The following LDLRAP1 variants were observed in gnomAD, a reference collection of about 807,000 sequenced individuals.
LDLRAP1 encodes the protein low density lipoprotein receptor adaptor protein 1, also known as low density lipoprotein receptor adapter protein 1.
A neutral mutation model predicts 37.8 loss-of-function variants in LDLRAP1; 30 were observed. That is an observed-to-expected ratio of 0.79 (90% CI 0.59 to 1.08). LDLRAP1 has a LOEUF of 1.08. LDLRAP1 is among the 50% of genes least tolerant of loss of function. LDLRAP1 has a pLI of 0.00. For missense variants in LDLRAP1, 375 were observed against 401.6 expected (o/e 0.93, Z 0.57); for synonymous variants, 156 against 169.8 (o/e 0.92, Z 0.63).
intron 1 of LDLRAP1, 142 bp from the exon 2 acceptor site, chr1:25,553,770 CAAAAAAAAAA>C: frequency 1.7e-6 from 1 of 600,020 alleles, no homozygotes; most frequent in Non-Finnish European, 2.6e-6. Flanking sequence ...AACTCAGTCT[CAAAAAAAAAA>C]AAAAAAAAAG....
At chr1:25,583,757 G>A in the LDLRAP1 span, among the ~76,000 whole-genome samples, 1 of 151,796 alleles carries the variant, frequency 6.6e-6, no homozygotes, top group Non-Finnish European at 1.5e-5. Context: ...CTATCCATTA[G>A]AAACCCCTAT....
chr1:25,551,632 C>G (rs1308896430), intron 1 of LDLRAP1, among the ~76,000 whole-genome samples: 4 of 152,198 alleles, frequency 2.6e-5, no homozygotes. Flanking sequence ...CATCACTCAA[C>G]CCAGGACTGG....
At chr1:25,569,393 G>T (rs1352264584), downstream of LDLRAP1, among the ~76,000 whole-genome samples, 3 of 152,182 alleles carry the variant, frequency 2.0e-5, no homozygotes, top group African/African-American at 7.2e-5. Context: ...TGTGGTTTGG[G>T]TGTGTTGGGG....
intron 1 of LDLRAP1, among the ~76,000 whole-genome samples, chr1:25,552,514 G>A (rs1006333076): frequency 1.2e-4 from 19 of 152,308 alleles, no homozygotes; most frequent in Non-Finnish European, 1.0e-4. Flanking sequence ...AGGCTGAAGA[G>A]CAGTTTTCTT....
At chr1:25,570,428 C>T (rs1168659922), downstream of LDLRAP1, among the ~76,000 whole-genome samples, 2 of 152,184 alleles carry the variant, frequency 1.3e-5, no homozygotes, top group African/African-American at 4.8e-5. Context: ...GAGATCCCAT[C>T]CCATGTACAT....
At chr1:25,576,317 G>A in the LDLRAP1 span, among the ~76,000 whole-genome samples, 1 of 151,732 alleles carries the variant, frequency 6.6e-6, no homozygotes, top group African/African-American at 2.4e-5. Flanking sequence ...GCTTGAGGTC[G>A]GGAGTTCAAG....
the LDLRAP1 span, among the ~76,000 whole-genome samples, chr1:25,574,657 G>T: frequency 1.3e-5 from 2 of 152,144 alleles, no homozygotes; most frequent in African/African-American, 2.4e-5. Flanking sequence ...GTGTCTCTTG[G>T]TCCCTGCCAG....
At chr1:25,576,233 A>G in the LDLRAP1 span, among the ~76,000 whole-genome samples, 1 of 149,008 alleles carries the variant, frequency 6.7e-6, no homozygotes, top group Admixed American at 6.7e-5. Flanking sequence ...CTCCTCAAAA[A>G]AAACAAAAGT....
At chr1:25,558,762 C>G (rs1340339900) in intron 4 of LDLRAP1, among the ~76,000 whole-genome samples, 2 of 152,204 alleles carry the variant, frequency 1.3e-5, no homozygotes, top group Non-Finnish European at 2.9e-5. Context: ...TCTCCATCGC[C>G]ACATCCTTAA....
chr1:25,547,272 C>T (rs1433279471), intron 1 of LDLRAP1, among the ~76,000 whole-genome samples: 1 of 151,904 alleles, frequency 6.6e-6, no homozygotes, highest in Non-Finnish European at 1.5e-5. Flanking sequence ...CACCTGAGGT[C>T]AAGAGTTCGA....
Position 25,566,926 on chromosome 1 carries a change from CTCGCCTG to C in LDLRAP1, c.865_871del (p.Pro289ThrfsTer30). ...AGGACATGCATTACGCCCAGTGCCT[CTCGCCTG>C]TCGACTGGGACAAGCCTGACAGCAG... On this transcript the variant is annotated frameshift_variant, in exon 9 of 9. Coordinates refer to ENST00000374338, the MANE Select transcript of LDLRAP1 (RefSeq NM_015627.3). LOFTEE classifies it high-confidence loss of function. The C allele has an allele frequency of 6.2e-7, 1 of 1,613,610 alleles. No homozygotes were observed. The highest frequency in any genetic ancestry group is 8.5e-7 in the Non-Finnish European group (1 of 1,180,002).
the LDLRAP1 span, among the ~76,000 whole-genome samples, chr1:25,588,089 C>T: frequency 6.6e-6 from 1 of 151,052 alleles, no homozygotes; most frequent in African/African-American, 2.5e-5. Flanking sequence ...ACAGCATGCT[C>T]CTTAAGAGTC....
At chr1:25,566,685 A>C (rs1283295332) in intron 8 of LDLRAP1, among the ~76,000 whole-genome samples, 163 bp from the exon 9 acceptor site, 2 of 152,084 alleles carry the variant, frequency 1.3e-5, no homozygotes, top group African/African-American at 4.8e-5. Flanking sequence ...TTTGACTCTC[A>C]AGGGGAGGTG....
chr1:25,557,438 T>TG, intron 4 of LDLRAP1, 171 bp downstream of exon 4: 4 of 618,856 alleles, frequency 6.5e-6, no homozygotes, highest in Non-Finnish European at 1.2e-5. Context: ...GGTACAGTGG[T>TG]GGGGCTGCAG....
rs114779017 is a variant in LDLRAP1, at chr1:25,553,888, G to A, written c.89-34G>A. 1.9e-5 allele frequency: 31 copies of A among 1,609,620 alleles called. No individual in the cohort carries two copies. The Middle Eastern group carries it at 7.0e-4, about 36-fold the overall frequency. ...TGTTGCTGGTGGTGGGCCCTGAGCCGCAGGGTCTGAGGGCCTACCCTGTGC... is the reference window on the plus strand; with the variant it reads ...TGTTGCTGGTGGTGGGCCCTGAGCCACAGGGTCTGAGGGCCTACCCTGTGC... On this transcript the variant is annotated intron_variant, in intron 1 of 8. Coordinates refer to ENST00000374338, the MANE Select transcript of LDLRAP1 (RefSeq NM_015627.3).
At chr1:25,569,510 C>T (rs2044573053), downstream of LDLRAP1, among the ~76,000 whole-genome samples, 1 of 152,140 alleles carries the variant, frequency 6.6e-6, no homozygotes, top group Admixed American at 6.5e-5. Flanking sequence ...CTTGATTTTC[C>T]CGTCTGTGAA....
chr1:25,564,887 A>G (rs1429898143), intron 7 of LDLRAP1: 2 of 462,278 alleles, frequency 4.3e-6, no homozygotes, highest in Non-Finnish European at 8.0e-6. Flanking sequence ...GACTTGCCCA[A>G]GGTCTCACGG....
At chr1:25,556,950 C>G (rs1278389602) in intron 3 of LDLRAP1, among the ~76,000 whole-genome samples, 2 of 152,192 alleles carry the variant, frequency 1.3e-5, no homozygotes, top group African/African-American at 2.4e-5. Context: ...TACCCCATTC[C>G]TTCCTTCCTG....
the LDLRAP1 span, among the ~76,000 whole-genome samples, chr1:25,587,704 C>G: frequency 6.6e-6 from 1 of 152,048 alleles, no homozygotes; most frequent in Non-Finnish European, 1.5e-5. Context: ...TGGAAATGGC[C>G]AACCCGAGAA....
Sources: allele counts gnomAD v4.1 joint callset (sites outside exome capture counted in the v4.1 genomes callset), GRCh38; gene constraint gnomAD v4.1.1; transcripts MANE v1.5; gene names NCBI Gene and HGNC (gene_info 2026-07-23, HGNC 2026-07-21).